PLPP3: variants seen among roughly 807,000 people sequenced by gnomAD.
PLPP3 encodes the protein PAP2 beta.
PLPP3 carries 6 observed loss-of-function variants against 29.6 expected under a neutral mutation model. The ratio of observed to expected loss-of-function variants is 0.20; its 90% CI spans 0.11 to 0.40. The LOEUF is 0.40. Among genes scored for constraint, PLPP3 ranks in the 10% least tolerant of loss-of-function variants. The probability of loss-of-function intolerance (pLI) is 1.00; values close to 1 mark genes in which losing one functional copy is unlikely to be tolerated. For missense variants in PLPP3, 308 were observed against 407.7 expected, an observed-to-expected ratio of 0.76 and a Z score of 2.11; for synonymous variants, 152 against 159.7, an observed-to-expected ratio of 0.95 and a Z score of 0.36.
intron 1 of PLPP3, among the ~76,000 whole-genome samples, chr1:56,576,098 T>C (rs1646233773): frequency 1.3e-5 from 2 of 152,188 alleles, no homozygotes; most frequent in South Asian, 4.1e-4. Context: ...GACTTCTGCT[T>C]TTTCACCAAG....
chr1:56,556,774 T>C (rs1646079369), intron 1 of PLPP3, among the ~76,000 whole-genome samples: 1 of 150,862 alleles, frequency 6.6e-6, no homozygotes, highest in Non-Finnish European at 1.5e-5. Flanking sequence ...GGACTGTCCC[T>C]GGGCAGGCAG....
intron 5 of PLPP3, among the ~76,000 whole-genome samples, chr1:56,502,347 C>G (rs1355437285): frequency 3.0e-4 from 45 of 152,122 alleles, no homozygotes; most frequent in Admixed American, 2.9e-3. Context: ...ATTTTAGAAT[C>G]TTAGAACCTC....
At chr1:56,523,982 A>G in intron 3 of PLPP3, 102 bp from the exon 4 acceptor site, 1 of 1,346,144 alleles carries the variant, frequency 7.4e-7, no homozygotes, top group Non-Finnish European at 1.0e-6. Flanking sequence ...GAGAGCAGGC[A>G]CTAGGCCCTG....
At chr1:56,502,111 T>C (rs2100221225) in intron 5 of PLPP3, among the ~76,000 whole-genome samples, 1 of 152,286 alleles carries the variant, frequency 6.6e-6, no homozygotes, top group African/African-American at 2.4e-5. Context: ...AGAAGTCTGG[T>C]AGGTAGCCAG....
At chr1:56,557,864 G>C (rs960808320) in intron 1 of PLPP3, among the ~76,000 whole-genome samples, 1 of 152,106 alleles carries the variant, frequency 6.6e-6, no homozygotes, top group East Asian at 1.9e-4. Context: ...GCAAGTCCCC[G>C]GGGCGCTTTT....
At chr1:56,569,387 T>C (rs1052621212) in intron 1 of PLPP3, among the ~76,000 whole-genome samples, 4 of 152,054 alleles carry the variant, frequency 2.6e-5, no homozygotes, top group Non-Finnish European at 4.4e-5. Context: ...TTGGCCAGGC[T>C]GGTCTCAAAC....
chr1:56,539,182 T>C (rs1645951538), intron 1 of PLPP3, among the ~76,000 whole-genome samples: 1 of 152,192 alleles, frequency 6.6e-6, no homozygotes, highest in Non-Finnish European at 1.5e-5. Flanking sequence ...ATTGATTTCA[T>C]TCAAATGTGA....
intron 5 of PLPP3, among the ~76,000 whole-genome samples, chr1:56,510,408 C>T (rs1002854024): frequency 6.6e-6 from 1 of 152,254 alleles, no homozygotes; most frequent in African/African-American, 2.4e-5. Context: ...GCCATTAAAA[C>T]AGCCAGTCCA....
At position 56,523,888 on chromosome 1, in the gene PLPP3, A is replaced by G; in HGVS notation, c.576-8T>C. On this transcript the variant is annotated splice_region_variant and splice_polypyrimidine_tract_variant and intron_variant, in intron 3 of 5. Transcript: ENST00000371250. ...CCAGAGAAGAAGGACTTCCTGCAAG[A>G]GCAAGAGAGGGCCATGAAAGGGCCG... The G allele has an allele frequency of 6.2e-7, 1 of 1,613,462 alleles. No homozygotes were observed. Among genetic ancestry groups the G allele is most frequent in the East Asian group, 2.2e-5 (1 of 44,844 alleles).
intron 1 of PLPP3, among the ~76,000 whole-genome samples, chr1:56,573,382 C>T (rs189909806): frequency 3.9e-5 from 6 of 152,164 alleles, no homozygotes; most frequent in Non-Finnish European, 7.4e-5. Flanking sequence ...GTGCACTGGT[C>T]ACAAACAAAC....
chr1:56,533,078 G>A (rs575817587), intron 2 of PLPP3, among the ~76,000 whole-genome samples: 7 of 148,910 alleles, frequency 4.7e-5, no homozygotes, highest in African/African-American at 1.2e-4. Flanking sequence ...TTTTTGATAC[G>A]TGGTCTCATC....
chr1:56,510,746 C>T (rs905506138), intron 5 of PLPP3, among the ~76,000 whole-genome samples: 1 of 152,186 alleles, frequency 6.6e-6, no homozygotes, highest in Non-Finnish European at 1.5e-5. Flanking sequence ...TGGCTTTTTG[C>T]TTGTTAGGCA....
intron 1 of PLPP3, among the ~76,000 whole-genome samples, chr1:56,572,118 T>G (rs970791778): frequency 6.9e-6 from 1 of 145,560 alleles, no homozygotes; most frequent in African/African-American, 2.5e-5. Context: ...GGCGTGATCT[T>G]GGCTCACTGC....
rs1646085318 is a variant in PLPP3, at chr1:56,557,026, A to AGAAAGAGAG, written c.140-19915_140-19914insCTCTCTTTC. Among the ~76,000 whole-genome samples, 39 of 9,528 alleles carry AGAAAGAGAG rather than the reference A, an allele frequency of 4.1e-3. 8 individuals are homozygous for AGAAAGAGAG. The highest frequency in any genetic ancestry group is 8.4e-3 in the African/African-American group (34 of 4,032). The allele number at this position is 9,528 out of a possible 152,430, so 6.3% of individuals were successfully genotyped here. ...AGAAAGAAAGAGAGAGAGAGAGAGA[A>AGAAAGAGAG]AGAGAGAGAGAGAGAGAGAGAGAGA... On this transcript the variant is annotated intron_variant, in intron 1 of 5. Coordinates refer to ENST00000371250, the MANE Select transcript of PLPP3 (RefSeq NM_003713.5).
intron 2 of PLPP3, among the ~76,000 whole-genome samples, chr1:56,532,756 A>C (rs1403257967): frequency 2.6e-5 from 4 of 152,082 alleles, no homozygotes; most frequent in African/African-American, 7.2e-5. Flanking sequence ...TTTTTCACAA[A>C]CATATATTGA....
rs1557513399 is a variant in PLPP3, at chr1:56,556,986, GAAAGAAAGAAAGAAAGAA to G, written c.140-19892_140-19875del. Among the ~76,000 whole-genome samples, 4 of 6,564 alleles carry G rather than the reference GAAAGAAAGAAAGAAAGAA, an allele frequency of 6.1e-4. No homozygotes were observed. The East Asian group carries it at 7.9e-3, about 13-fold the overall frequency. 4.3% of individuals were successfully genotyped at this position (6,564 alleles called of 152,430 possible). On this transcript the variant is annotated intron_variant, in intron 1 of 5. Coordinates refer to ENST00000371250, the MANE Select transcript of PLPP3 (RefSeq NM_003713.5). The stretch of plus-strand genomic sequence containing the variant: ...AGAAAGAAAGAAAGAAAGAAAGAAA[GAAAGAAAGAAAGAAAGAA>G]AGAAAGAGAGAGAGAGAGAGAAAGA...
chr1:56,572,001 C>G (rs748018678), intron 1 of PLPP3, among the ~76,000 whole-genome samples: 2 of 151,478 alleles, frequency 1.3e-5, no homozygotes, highest in African/African-American at 4.9e-5. Context: ...TACAGAGGGT[C>G]CCCTAGATGA....
At chr1:56,503,510 G>A (rs1645681365) in intron 5 of PLPP3, among the ~76,000 whole-genome samples, 1 of 152,132 alleles carries the variant, frequency 6.6e-6, no homozygotes, top group Non-Finnish European at 1.5e-5. Context: ...CCAACATGGA[G>A]AAACCCTGTC....
At chr1:56,533,714 T>A (rs1645906104) in intron 2 of PLPP3, among the ~76,000 whole-genome samples, 1 of 152,178 alleles carries the variant, frequency 6.6e-6, no homozygotes, top group Non-Finnish European at 1.5e-5. Flanking sequence ...ATCACATGAT[T>A]TGACAACCAA....
Sources: allele counts gnomAD v4.1 joint callset (sites outside exome capture counted in the v4.1 genomes callset), GRCh38; gene constraint gnomAD v4.1.1; transcripts MANE v1.5; gene names NCBI Gene and HGNC (gene_info 2026-07-23, HGNC 2026-07-21).